Variants in CUX2 observed in about 807,000 individuals in gnomAD.
CUX2 encodes cut like homeobox 2.
CUX2 carries 40 observed loss-of-function variants against 144.8 expected under a neutral mutation model. The observed-to-expected ratio is 0.28, with a 90% confidence interval of 0.21 to 0.36. CUX2 has a LOEUF of 0.36. CUX2 is among the 10% of genes least tolerant of loss of function. The probability of loss-of-function intolerance (pLI) is 1.00; values close to 1 mark genes in which losing one functional copy is unlikely to be tolerated. For synonymous variants in CUX2, 827 were observed against 875.6 expected (o/e 0.94, Z 0.98); for missense variants, 1,615 against 1,994.0 (o/e 0.81, Z 3.62).
chr12:111,052,934 C>G (rs1285116876), intron 1 of CUX2, among the ~76,000 whole-genome samples: 1 of 152,194 alleles, frequency 6.6e-6, no homozygotes, highest in Non-Finnish European at 1.5e-5. Context: ...CACTGCCTCC[C>G]CAGGATTGCC....
chr12:111,121,399 C>T (rs1461884827), intron 1 of CUX2, among the ~76,000 whole-genome samples: 3 of 66,812 alleles, frequency 4.5e-5, no homozygotes, highest in Admixed American at 2.2e-4. Flanking sequence ...TTTTTTGAGA[C>T]GGATTCTTGC....
intron 3 of CUX2, among the ~76,000 whole-genome samples, chr12:111,236,922 G>A (rs546680417): frequency 1.2e-4 from 18 of 152,316 alleles, no homozygotes; most frequent in Non-Finnish European, 2.2e-4. Flanking sequence ...GCCAAGGCAG[G>A]CAGATCACTT....
chr12:111,132,557 CTTTTTTTTTTTTTTTT>C (rs1182564665), intron 1 of CUX2, among the ~76,000 whole-genome samples: 1 of 97,170 alleles, frequency 1.0e-5, no homozygotes, highest in Non-Finnish European at 1.9e-5. Flanking sequence ...GCTCTGTTTC[CTTTTTTTTTTTTTTTT>C]TTTTTTTTTT....
chr12:111,230,444 TC>T (rs1337321925), intron 3 of CUX2, among the ~76,000 whole-genome samples: 1 of 152,100 alleles, frequency 6.6e-6, no homozygotes, highest in Non-Finnish European at 1.5e-5. Context: ...CACCTCCATG[TC>T]CCAGACCTCT....
intron 3 of CUX2, among the ~76,000 whole-genome samples, chr12:111,227,066 C>T (rs1882188331): frequency 6.6e-6 from 1 of 152,166 alleles, no homozygotes; most frequent in Admixed American, 6.5e-5. Context: ...CCCACCGACA[C>T]CAGCATAGGT....
intron 18 of CUX2, 99 bp from the exon 19 acceptor site, chr12:111,334,342 G>A (rs1411290077): frequency 1.5e-6 from 2 of 1,324,360 alleles, no homozygotes; most frequent in African/African-American, 1.5e-5. Flanking sequence ...TGCAAAATGG[G>A]TGTTTGGCAA....
chr12:111,162,607 C>T (rs1197840147), intron 1 of CUX2, among the ~76,000 whole-genome samples: 1 of 152,216 alleles, frequency 6.6e-6, no homozygotes, highest in Non-Finnish European at 1.5e-5. Context: ...AGAGGAAGCT[C>T]TGTGGGTAAT....
At chr12:111,271,070 A>G (rs755101696) in intron 4 of CUX2, among the ~76,000 whole-genome samples, 6 of 152,218 alleles carry the variant, frequency 3.9e-5, no homozygotes, top group Non-Finnish European at 8.8e-5. Flanking sequence ...CATTGACATC[A>G]GGGTATAACA....
At chr12:111,227,788 A>G (rs1186933845) in intron 3 of CUX2, among the ~76,000 whole-genome samples, 1 of 152,086 alleles carries the variant, frequency 6.6e-6, no homozygotes, top group African/African-American at 2.4e-5. Flanking sequence ...CAGCTCCCCT[A>G]GAGCACACCC....
At position 111,037,193 on chromosome 12, in the gene CUX2, T is replaced by C. The variant is rs1869502236; in HGVS notation, c.63+2953T>C. ...CGTCCCGAGGCTGAGCTGCCTGTGA[T>C]GTGAGGAGGTGCGTGGCTTTCATTC... On this transcript the variant is annotated intron_variant, in intron 1 of 21. Coordinates refer to ENST00000261726, the MANE Select transcript of CUX2 (RefSeq NM_015267.4). This position sits in a 1 kb window ranked among gnomAD's most constrained non-coding sequence, Gnocchi z 5.4. Among the ~76,000 whole-genome samples the C allele has an allele frequency of 6.6e-6, 1 of 152,110 alleles. No individual in the cohort carries two copies. Among genetic ancestry groups the C allele is most frequent in the African/African-American group, 2.4e-5 (1 of 41,430 alleles).
intron 3 of CUX2, among the ~76,000 whole-genome samples, chr12:111,241,064 C>T (rs986670005): frequency 3.9e-5 from 6 of 152,026 alleles, no homozygotes; most frequent in African/African-American, 1.2e-4. Context: ...CTTGGCTCAC[C>T]GTTCTGATGG....
In CUX2 at chr12:111,177,691, G is replaced by A. The variant is rs537526428; in HGVS notation, c.64-36509G>A. Among the ~76,000 whole-genome samples the A allele has an allele frequency of 4.9e-4, 75 of 152,276 alleles. 1 individual carries two copies. In the South Asian group the frequency reaches 5.6e-3, roughly 11 times the overall value. On this transcript the variant is annotated intron_variant, in intron 1 of 21. Transcript: ENST00000261726. Reference sequence around the variant, plus strand: ...CAGGCGTGAGCCACCGTGCCCAGCCGAGGATGATTTTTCTGGTAGCGTTCA... The same window carrying A: ...CAGGCGTGAGCCACCGTGCCCAGCCAAGGATGATTTTTCTGGTAGCGTTCA...
Position 111,068,687 on chromosome 12 carries a change from C to T in CUX2, c.63+34447C>T, listed in dbSNP as rs1393606683. On this transcript the variant is annotated intron_variant, in intron 1 of 21. Transcript: ENST00000261726. This position sits in a 1 kb window ranked among gnomAD's most constrained non-coding sequence, Gnocchi z 4.9. The stretch of plus-strand genomic sequence containing the variant: ...TGCCTTGCGTGGTTCAACTCCGCCC[C>T]CTTCTTCCCTGATTCGTGTGCCCAT... 6.6e-6 allele frequency among the ~76,000 whole-genome samples: 1 copy of T among 152,214 alleles called. No homozygotes were observed. Among genetic ancestry groups the T allele is most frequent in the Non-Finnish European group, 1.5e-5 (1 of 68,038 alleles).
rs1401392284 is a variant in CUX2, at chr12:111,320,460, C to G, written c.2451C>G (p.Gly817=). The G allele has an allele frequency of 6.3e-7, 1 of 1,594,202 alleles. No homozygotes were observed. Among genetic ancestry groups the G allele is most frequent in the African/African-American group, 1.3e-5 (1 of 74,684 alleles). The change falls in exon 17 of 22, where the codon GGC becomes GGG. Residue 817 remains glycine (G), a synonymous_variant. Transcript: ENST00000261726. This position sits in a 1 kb window ranked among gnomAD's most constrained non-coding sequence, Gnocchi z 8.1. The part of the protein sequence containing the change: ...LSSSSSSGYS[G]QPNGRAWPRG... ...CCTCCTCCTCCTCTGGCTACTCTGG[C>G]CAGCCCAACGGCCGCGCCTGGCCCC... is the stretch of plus-strand genomic sequence containing the variant.
chr12:111,273,349 A>C (rs2136304107), intron 4 of CUX2, among the ~76,000 whole-genome samples: 1 of 152,236 alleles, frequency 6.6e-6, no homozygotes, highest in South Asian at 2.1e-4. Flanking sequence ...ATCCTTCCTC[A>C]CTGGGAAGCT....
In CUX2 at chr12:111,295,274, G is replaced by A; in HGVS notation, c.561-59G>A. 6.4e-7 allele frequency: 1 copy of A among 1,560,578 alleles called. No homozygotes were observed. Among genetic ancestry groups the A allele is most frequent in the Admixed American group, 1.9e-5 (1 of 52,758 alleles). ...AGGAAGCAAGATGGGGCTCGACTCG[G>A]GGGCCCCAGGCAAGGCCTGTCCCTG... On this transcript the variant is annotated intron_variant, in intron 6 of 21. Transcript: ENST00000261726. This position sits in a 1 kb window ranked among gnomAD's most constrained non-coding sequence, Gnocchi z 5.0.
chr12:111,234,043 A>G (rs986163354), intron 3 of CUX2, among the ~76,000 whole-genome samples: 1 of 152,218 alleles, frequency 6.6e-6, no homozygotes, highest in Admixed American at 6.5e-5. Flanking sequence ...TTCTGCCCAC[A>G]TTCATTTGTC....
intron 1 of CUX2, among the ~76,000 whole-genome samples, chr12:111,161,921 A>G (rs1411035864): frequency 1.3e-5 from 2 of 152,162 alleles, no homozygotes; most frequent in East Asian, 3.9e-4. Context: ...TTTTCTGTAG[A>G]GACAGGGTAT....
intron 1 of CUX2, among the ~76,000 whole-genome samples, chr12:111,169,693 G>A (rs757406307): frequency 2.6e-5 from 4 of 152,230 alleles, no homozygotes. Context: ...TGTGATTAAA[G>A]GGGTCTTAAA....
Sources: allele counts gnomAD v4.1 joint callset (sites outside exome capture counted in the v4.1 genomes callset), GRCh38; gene constraint gnomAD v4.1.1; non-coding constraint Gnocchi (gnomAD v3.1); transcripts MANE v1.5; gene names NCBI Gene and HGNC (gene_info 2026-07-23, HGNC 2026-07-21).